Variants in NAV3 observed in about 807,000 individuals in gnomAD.
NAV3 encodes pore membrane and/or filament interacting like protein 1.
Under a neutral mutation model 244.7 loss-of-function variants are expected in NAV3, and 87 were observed. That is an observed-to-expected ratio of 0.36 (90% CI 0.30 to 0.42). The LOEUF (loss-of-function observed/expected upper bound fraction) is 0.42. Ranked by LOEUF, NAV3 falls within the 20% of genes least tolerant of loss-of-function variation. The pLI, the probability that NAV3 is intolerant of heterozygous loss-of-function variation, is 1.00. For missense variants in NAV3, 2,663 were observed against 2,893.3 expected, an observed-to-expected ratio of 0.92 and a Z score of 1.83; for synonymous variants, 1,126 against 1,042.2, an observed-to-expected ratio of 1.08 and a Z score of -1.55.
chr12:77,967,115 A>G (rs936831441), intron 4 of NAV3, among the ~76,000 whole-genome samples: 1 of 152,070 alleles, frequency 6.6e-6, no homozygotes, highest in East Asian at 1.9e-4. Flanking sequence ...TTTGAGTAAA[A>G]TTCCCCAGGA....
At chr12:77,828,671 G>T (rs1191025610), upstream of NAV3, among the ~76,000 whole-genome samples, 1 of 152,056 alleles carries the variant, frequency 6.6e-6, no homozygotes, top group African/African-American at 2.4e-5. Context: ...AGTTAGTTTG[G>T]TTTTGTTGCT....
At chr12:78,075,617 A>G (rs976949365) in intron 12 of NAV3, among the ~76,000 whole-genome samples, 1 of 152,192 alleles carries the variant, frequency 6.6e-6, no homozygotes, top group Non-Finnish European at 1.5e-5. Flanking sequence ...GGTTTTTAAA[A>G]TTTTAGTTTT....
intron 2 of NAV3, among the ~76,000 whole-genome samples, chr12:77,577,402 G>C (rs948633108): frequency 6.6e-6 from 1 of 151,898 alleles, no homozygotes; most frequent in African/African-American, 2.4e-5. Context: ...TTCATATGGC[G>C]GCCTTTTTGC....
In NAV3 at chr12:77,723,574, C is replaced by T. The variant is rs138246542; in HGVS notation, c.72+151308C>T. On this transcript the variant is annotated intron_variant, in intron 2 of 8. Coordinates refer to the NAV3 transcript ENST00000550042. ...TCAAGTTATGACATGCTGTGAAAGGCTTGAATCTTCTGGTTCACACACCTT... is the reference window on the plus strand; with the variant it reads ...TCAAGTTATGACATGCTGTGAAAGGTTTGAATCTTCTGGTTCACACACCTT... Among the ~76,000 whole-genome samples, 1,328 of 151,916 alleles carry T rather than the reference C, an allele frequency of 8.7e-3. 11 individuals carry two copies. The highest frequency in any genetic ancestry group is 0.015 in the Non-Finnish European group (986 of 67,876).
At chr12:77,587,690 A>G (rs1270507689) in intron 2 of NAV3, among the ~76,000 whole-genome samples, 1 of 152,242 alleles carries the variant, frequency 6.6e-6, no homozygotes, top group East Asian at 1.9e-4. Context: ...AAACTATTAC[A>G]TTCATTAAGA....
At chr12:77,710,723 G>A (rs1409799419) in intron 2 of NAV3, among the ~76,000 whole-genome samples, 2 of 152,064 alleles carry the variant, frequency 1.3e-5, no homozygotes, top group Non-Finnish European at 1.5e-5. Flanking sequence ...CTTTGTTTCT[G>A]CTGTCTTGAA....
intron 16 of NAV3, among the ~76,000 whole-genome samples, chr12:78,123,765 T>TGG (rs1341241510): frequency 3.3e-5 from 5 of 152,162 alleles, no homozygotes; most frequent in African/African-American, 1.2e-4. Flanking sequence ...GCAAATAAAA[T>TGG]GTAACCATTT....
intron 2 of NAV3, among the ~76,000 whole-genome samples, chr12:77,671,426 A>G (rs1221011362): frequency 6.6e-6 from 1 of 152,120 alleles, no homozygotes; most frequent in Non-Finnish European, 1.5e-5. Context: ...TAAAATTCAT[A>G]TGGAACCTAA....
chr12:77,985,380 C>T (rs1214500707), intron 5 of NAV3, among the ~76,000 whole-genome samples: 1 of 152,168 alleles, frequency 6.6e-6, no homozygotes, highest in African/African-American at 2.4e-5. Context: ...CTATGTGCCA[C>T]TTTGAAAACC....
intron 24 of NAV3, among the ~76,000 whole-genome samples, chr12:78,171,284 T>C (rs1044642079): frequency 2.0e-5 from 3 of 151,678 alleles, no homozygotes; most frequent in South Asian, 2.1e-4. Context: ...CTTCATGTCG[T>C]AAATAGGTCC....
At chr12:78,203,840 CTTTT>C (rs11457084) in intron 38 of NAV3, among the ~76,000 whole-genome samples, 1 of 142,556 alleles carries the variant, frequency 7.0e-6, no homozygotes. Context: ...TAATATTATA[CTTTT>C]TTTTTTTTTT....
At chr12:77,994,899 T>A in intron 6 of NAV3, 28 bp downstream of exon 6, 2 of 1,450,812 alleles carry the variant, frequency 1.4e-6, no homozygotes, top group Non-Finnish European at 1.9e-6. Context: ...AATTTATTGC[T>A]TATTAGTGAT....
chr12:78,001,043 T>C (rs1052072019), intron 7 of NAV3, among the ~76,000 whole-genome samples: 1 of 151,964 alleles, frequency 6.6e-6, no homozygotes, highest in Non-Finnish European at 1.5e-5. Flanking sequence ...AAGATGTTTG[T>C]TTTAACTTTT....
chr12:77,816,165 A>G (rs1565824839), intron 2 of NAV3, among the ~76,000 whole-genome samples: 1 of 152,184 alleles, frequency 6.6e-6, no homozygotes, highest in African/African-American at 2.4e-5. Context: ...AAGGGTTAAG[A>G]ATGAAGACTG....
intron 2 of NAV3, among the ~76,000 whole-genome samples, chr12:77,794,126 G>C (rs1020643729): frequency 1.3e-5 from 2 of 152,110 alleles, no homozygotes; most frequent in African/African-American, 4.8e-5. Flanking sequence ...GTCTTCTTTT[G>C]AGAAATGTCT....
At chr12:77,760,557 A>G (rs1046219713) in intron 2 of NAV3, among the ~76,000 whole-genome samples, 10 of 152,236 alleles carry the variant, frequency 6.6e-5, no homozygotes, top group Admixed American at 4.6e-4. Flanking sequence ...AGCTGTCCGT[A>G]AGTAGAACGT....
chr12:78,051,811 G>A (rs145370473), intron 11 of NAV3, among the ~76,000 whole-genome samples: 73 of 152,308 alleles, frequency 4.8e-4, no homozygotes, highest in African/African-American at 1.8e-3. Context: ...ATTAATAATT[G>A]TAATTGCCAT....
rs762969761 is a variant in NAV3 at position 78,198,644 on chromosome 12, A to G, written c.6486A>G (p.Ser2162=). Residue 2162 remains serine (S), a synonymous_variant, in exon 36 of 40, where the codon TCA becomes TCG. Coordinates refer to ENST00000397909, the MANE Select transcript of NAV3 (RefSeq NM_001024383.2). The part of the protein sequence containing the change: ...IIGTMNQGVS[S]SPNLELHHNF... ...GAACAATGAATCAGGGAGTTTCTTC[A>G]TCACCAAATCTAGAGCTGCATCACA... 2 of 1,593,288 alleles carry G rather than the reference A, an allele frequency of 1.3e-6. No individual in the cohort carries two copies. Among genetic ancestry groups the G allele is most frequent in the East Asian group, 2.3e-5 (1 of 43,720 alleles).
chr12:77,973,529 G>A (rs1474621394), intron 5 of NAV3, among the ~76,000 whole-genome samples: 3 of 152,132 alleles, frequency 2.0e-5, no homozygotes, highest in East Asian at 1.9e-4. Flanking sequence ...CCGGGTACAC[G>A]TTTTCTGAAC....
Sources: allele counts gnomAD v4.1 joint callset (sites outside exome capture counted in the v4.1 genomes callset), GRCh38; gene constraint gnomAD v4.1.1; transcripts MANE v1.5; gene names NCBI Gene and HGNC (gene_info 2026-07-23, HGNC 2026-07-21).